HS3ST5: variants seen among roughly 807,000 people sequenced by gnomAD.
HS3ST5 encodes the protein heparan sulfate-glucosamine 3-sulfotransferase 5, also known as heparan sulfate glucosamine 3-O-sulfotransferase 5.
HS3ST5 carries 10 observed loss-of-function variants against 25.4 expected under a neutral mutation model. The observed-to-expected ratio is 0.39, with a 90% CI of 0.24 to 0.67. The LOEUF (loss-of-function observed/expected upper bound fraction) is 0.67. Ranked by LOEUF, HS3ST5 falls within the 30% of genes least tolerant of loss-of-function variation. The pLI is 0.44. For missense variants in HS3ST5, 324 were observed against 420.7 expected (o/e 0.77, Z 2.01); for synonymous variants, 170 against 162.4 (o/e 1.05, Z -0.36).
intron 3 of HS3ST5, among the ~76,000 whole-genome samples, chr6:114,149,386 G>A (rs1161244414): frequency 6.6e-6 from 1 of 152,154 alleles, no homozygotes; most frequent in African/African-American, 2.4e-5. Context: ...GTACACCATG[G>A]AATACTATGC....
chr6:114,252,103 C>G (rs892569068), intron 1 of HS3ST5, among the ~76,000 whole-genome samples: 1 of 152,042 alleles, frequency 6.6e-6, no homozygotes, highest in Non-Finnish European at 1.5e-5. Flanking sequence ...CTTAACTACT[C>G]CAGGTCTTAT....
intron 3 of HS3ST5, among the ~76,000 whole-genome samples, chr6:114,073,124 A>G (rs1003778539): frequency 1.1e-4 from 16 of 152,290 alleles, no homozygotes; most frequent in Admixed American, 4.6e-4. Flanking sequence ...CCTTCCTTAC[A>G]CCTTATACAA....
At chr6:114,083,289 G>A (rs1242684981) in intron 3 of HS3ST5, among the ~76,000 whole-genome samples, 1 of 152,158 alleles carries the variant, frequency 6.6e-6, no homozygotes, top group Non-Finnish European at 1.5e-5. Context: ...ATATGGAGAA[G>A]AAACAAACTT....
intron 1 of HS3ST5, among the ~76,000 whole-genome samples, chr6:114,333,548 C>T (rs1776488936): frequency 6.6e-6 from 1 of 152,026 alleles, no homozygotes; most frequent in Non-Finnish European, 1.5e-5. Context: ...CAATCCATTT[C>T]AGAATGGACA....
At chr6:114,240,903 G>A (rs1390949867) in intron 1 of HS3ST5, among the ~76,000 whole-genome samples, 2 of 152,076 alleles carry the variant, frequency 1.3e-5, no homozygotes, top group African/African-American at 2.4e-5. Context: ...TATTCCAAGT[G>A]CCATCCCTGG....
In HS3ST5 at chr6:114,219,091, G is replaced by C. The variant is rs532550784; in HGVS notation, c.-145+9494C>G. Among the ~76,000 whole-genome samples the C allele has an allele frequency of 3.3e-5, 5 of 152,314 alleles. No homozygotes were observed. In the East Asian group the frequency reaches 9.6e-4, roughly 29 times the overall value. On this transcript the variant is annotated intron_variant, in intron 2 of 4. Transcript: ENST00000312719. ...TTTAGTATGCAATCTAAACCATAGA[G>C]AAAAATGTGTAAATGCAAATCCTCA...
chr6:114,253,909 T>C (rs1772780495), intron 1 of HS3ST5, among the ~76,000 whole-genome samples: 2 of 152,198 alleles, frequency 1.3e-5, no homozygotes, highest in South Asian at 4.1e-4. Context: ...ATGTTCTCTC[T>C]GGCTCTTTTG....
At chr6:114,072,533 A>G (rs970915376) in intron 3 of HS3ST5, among the ~76,000 whole-genome samples, 6 of 152,156 alleles carry the variant, frequency 3.9e-5, no homozygotes, top group East Asian at 3.8e-4. Flanking sequence ...ACTATTACCT[A>G]TGGTCTTGAG....
intron 3 of HS3ST5, among the ~76,000 whole-genome samples, chr6:114,166,259 G>A (rs943939120): frequency 2.0e-5 from 3 of 152,060 alleles, no homozygotes; most frequent in African/African-American, 7.2e-5. Context: ...CATCAGTAGG[G>A]TGGTAAAATA....
chr6:114,264,822 G>A (rs977165285), intron 1 of HS3ST5, among the ~76,000 whole-genome samples: 1 of 152,148 alleles, frequency 6.6e-6, no homozygotes, highest in African/African-American at 2.4e-5. Context: ...CAGGAAAACT[G>A]ATATTTGAAA....
rs114993392 is a variant in HS3ST5 at position 114,180,773 on chromosome 6, C to A, written c.-144-12311G>T. ...CCACATCCTCATGACTTCATTGAAC[C>A]TTAATTACTTCCTAAAAGCTCTATC... On this transcript the variant is annotated intron_variant, in intron 2 of 4. Coordinates refer to ENST00000312719, the MANE Select transcript of HS3ST5 (RefSeq NM_153612.4). Among the ~76,000 whole-genome samples the A allele has an allele frequency of 2.4e-3, 358 of 152,310 alleles. 1 individual carries two copies. The highest frequency in any genetic ancestry group is 8.3e-3 in the African/African-American group (343 of 41,544).
intron 1 of HS3ST5, among the ~76,000 whole-genome samples, chr6:114,239,409 G>A (rs192225092): frequency 3.9e-5 from 6 of 152,248 alleles, no homozygotes; most frequent in South Asian, 2.1e-4. Context: ...GCATAAAAGC[G>A]CCAAATGGGG....
At chr6:114,221,300 TA>T (rs1782021137) in intron 2 of HS3ST5, among the ~76,000 whole-genome samples, 1 of 152,008 alleles carries the variant, frequency 6.6e-6, no homozygotes, top group African/African-American at 2.4e-5. Context: ...AAATTACCTA[TA>T]AAAATTACTA....
intron 1 of HS3ST5, among the ~76,000 whole-genome samples, chr6:114,280,991 T>A (rs907764895): frequency 2.0e-5 from 3 of 152,034 alleles, no homozygotes; most frequent in African/African-American, 4.8e-5. Context: ...GTAAGGCTTA[T>A]AAGAAAGATA....
At chr6:114,076,607 T>C (rs547788159) in intron 3 of HS3ST5, among the ~76,000 whole-genome samples, 23 of 152,290 alleles carry the variant, frequency 1.5e-4, no homozygotes, top group Admixed American at 3.9e-4. Flanking sequence ...TTCAATTTGC[T>C]CTGTTGTCAG....
At chr6:114,183,455 T>C (rs574683837) in intron 2 of HS3ST5, among the ~76,000 whole-genome samples, 20 of 152,312 alleles carry the variant, frequency 1.3e-4, no homozygotes, top group African/African-American at 4.8e-4. Flanking sequence ...CTCTTTCTTT[T>C]GTAAATTGCC....
At chr6:114,234,257 T>C (rs1344785206) in intron 1 of HS3ST5, among the ~76,000 whole-genome samples, 3 of 151,616 alleles carry the variant, frequency 2.0e-5, no homozygotes, top group Non-Finnish European at 4.4e-5. Flanking sequence ...CAGTTATAAA[T>C]ACTTTCTAGT....
chr6:114,119,427 G>A (rs1164404053), intron 3 of HS3ST5, among the ~76,000 whole-genome samples: 1 of 152,138 alleles, frequency 6.6e-6, no homozygotes, highest in Non-Finnish European at 1.5e-5. Flanking sequence ...TCTTTCAAAA[G>A]TTGGGGAGGC....
Position 114,057,665 on chromosome 6 carries a change from C to T in HS3ST5, c.633G>A (p.Glu211=). The change falls in exon 5 of 5, where the codon GAG becomes GAA. Residue 211 remains glutamate (E), a synonymous_variant. Coordinates refer to ENST00000312719, the MANE Select transcript of HS3ST5 (RefSeq NM_153612.4). Reference sequence around the variant, plus strand: ...ATGTATTAGGGTCTATGGCCAGCTTCTCAAACTTGTAATAAGTTTTGTTCT... The same window carrying T: ...ATGTATTAGGGTCTATGGCCAGCTTTTCAAACTTGTAATAAGTTTTGTTCT... ...ERKNKTYYKF[E]KLAIDPNTCE... is the part of the protein sequence containing the mutation. The T allele has an allele frequency of 6.2e-7, 1 of 1,614,184 alleles. No individual in the cohort carries two copies. The highest frequency in any genetic ancestry group is 1.3e-5 in the African/African-American group (1 of 75,046).
Sources: gnomAD v4.1 joint callset for allele counts (sites outside exome capture counted in the v4.1 genomes callset) on GRCh38, gnomAD v4.1.1 for gene constraint, MANE v1.5 for transcripts, NCBI Gene and HGNC (gene_info 2026-07-23, HGNC 2026-07-21) for gene names.